SRGAP2C: variants seen among roughly 807,000 people sequenced by gnomAD.
SRGAP2C encodes SLIT-ROBO Rho GTPase-activating protein 2C.
In SRGAP2C, 15 loss-of-function variants were observed where a neutral mutation model predicts 25.1. That is an observed-to-expected ratio of 0.60 (90% CI 0.40 to 0.92). The LOEUF (loss-of-function observed/expected upper bound fraction) is 0.92. Among genes scored for constraint, SRGAP2C ranks in the 40% least tolerant of loss-of-function variants. SRGAP2C has a pLI of 0.00. For missense variants in SRGAP2C, 144 were observed against 264.4 expected (o/e 0.54, Z 3.16); for synonymous variants, 44 against 96.6 (o/e 0.46, Z 3.19).
chr1:121,208,492 A>G (rs1416737124), intron 2 of SRGAP2C, among the ~76,000 whole-genome samples: 2 of 152,168 alleles, frequency 1.3e-5, no homozygotes, highest in African/African-American at 4.8e-5. Context: ...CATGAGTGCG[A>G]GCCTCTGAAT....
intron 2 of SRGAP2C, among the ~76,000 whole-genome samples, chr1:121,212,472 C>T (rs1655289765): frequency 6.6e-6 from 1 of 151,840 alleles, no homozygotes; most frequent in Non-Finnish European, 1.5e-5. Context: ...GGAGCATTTG[C>T]AAGGAAGAGT....
chr1:121,292,112 C>A (rs1299967216), intron 3 of SRGAP2C, among the ~76,000 whole-genome samples: 2 of 151,588 alleles, frequency 1.3e-5, no homozygotes, highest in East Asian at 3.9e-4. Flanking sequence ...TATACCTTGT[C>A]TTTAGTTCTG....
At chr1:121,288,613 T>C (rs1193031731) in intron 3 of SRGAP2C, among the ~76,000 whole-genome samples, 986 of 43,220 alleles carry the variant, frequency 0.023, no homozygotes, top group Middle Eastern at 0.17. Context: ...TTGGTGCACT[T>C]ACAAACCTTG....
intron 4 of SRGAP2C, among the ~76,000 whole-genome samples, chr1:121,355,173 T>G (rs1659032599): frequency 6.8e-6 from 1 of 146,578 alleles, no homozygotes; most frequent in African/African-American, 2.5e-5. Context: ...ATCACCCCAA[T>G]GAGAGATTTA....
intron 4 of SRGAP2C, among the ~76,000 whole-genome samples, chr1:121,359,076 C>T (rs782503319): frequency 3.7e-3 from 48 of 12,990 alleles, no homozygotes; most frequent in Admixed American, 5.9e-3. Flanking sequence ...CTGATGGACT[C>T]TTTATTGCTC....
chr1:121,363,851 A>T (rs1553349017), intron 4 of SRGAP2C, among the ~76,000 whole-genome samples: 1 of 150,396 alleles, frequency 6.6e-6, no homozygotes, highest in East Asian at 2.0e-4. Context: ...TTAGAAAAAT[A>T]CATAACAACA....
intron 4 of SRGAP2C, among the ~76,000 whole-genome samples, chr1:121,356,697 G>T (rs1296598504): frequency 2.0e-5 from 3 of 151,848 alleles, no homozygotes; most frequent in African/African-American, 7.2e-5. Flanking sequence ...AAATGCTTTG[G>T]CATGAGAGAT....
intron 2 of SRGAP2C, among the ~76,000 whole-genome samples, chr1:121,221,991 CTCT>C (rs1220013863): frequency 6.6e-6 from 1 of 152,242 alleles, no homozygotes; most frequent in South Asian, 2.1e-4. Flanking sequence ...GTGGATGTCA[CTCT>C]TCTTCAGTTT....
chr1:121,206,444 G>A (rs1446964123), intron 2 of SRGAP2C, among the ~76,000 whole-genome samples: 1 of 152,188 alleles, frequency 6.6e-6, no homozygotes, highest in Non-Finnish European at 1.5e-5. Context: ...GCCAGAGTCT[G>A]GCTTCATACT....
chr1:121,332,813 T>C (rs1488858161), intron 4 of SRGAP2C, among the ~76,000 whole-genome samples: 1 of 56,310 alleles, frequency 1.8e-5, no homozygotes, highest in African/African-American at 7.5e-5. Flanking sequence ...GAAGGCATTT[T>C]GGGTGGTGTG....
At chr1:121,225,956 C>A (rs1416933706) in intron 2 of SRGAP2C, among the ~76,000 whole-genome samples, 1 of 149,156 alleles carries the variant, frequency 6.7e-6, no homozygotes, top group East Asian at 2.0e-4. Context: ...CCAACTGCCT[C>A]GGCCTCCCAA....
intron 2 of SRGAP2C, among the ~76,000 whole-genome samples, chr1:121,263,338 CAA>C (rs1220233255): frequency 2.8e-5 from 4 of 140,760 alleles, no homozygotes; most frequent in Non-Finnish European, 3.0e-5. Flanking sequence ...AACAAACAAA[CAA>C]AAAAAACTTG....
At chr1:121,265,949 G>C (rs1358031254) in intron 2 of SRGAP2C, among the ~76,000 whole-genome samples, 2 of 151,440 alleles carry the variant, frequency 1.3e-5, no homozygotes, top group Non-Finnish European at 2.9e-5. Context: ...TAGACTTCTT[G>C]TTGTTGGTTT....
At chr1:121,327,122 GC>G (rs1174087494) in intron 4 of SRGAP2C, among the ~76,000 whole-genome samples, 72 of 147,976 alleles carry the variant, frequency 4.9e-4, no homozygotes, top group Non-Finnish European at 8.8e-4. Context: ...GAGCTGGTTG[GC>G]AGATCATAAA....
At chr1:121,260,264 A>C (rs1276227041) in intron 2 of SRGAP2C, among the ~76,000 whole-genome samples, 2 of 151,510 alleles carry the variant, frequency 1.3e-5, no homozygotes, top group African/African-American at 4.8e-5. Context: ...TAAGAGTGTA[A>C]GCCACGTGGA....
intron 3 of SRGAP2C, among the ~76,000 whole-genome samples, chr1:121,297,693 C>G (rs1657625674): frequency 6.9e-6 from 1 of 144,380 alleles, no homozygotes; most frequent in Non-Finnish European, 1.5e-5. Context: ...GTTCTGGGAA[C>G]CAGATTTCCT....
intron 4 of SRGAP2C, among the ~76,000 whole-genome samples, chr1:121,328,860 TTGAG>T (rs1184014472): frequency 2.0e-4 from 30 of 148,286 alleles, no homozygotes; most frequent in African/African-American, 7.0e-4. Flanking sequence ...GTACTCTAGC[TTGAG>T]TAACAGAGCC....
intron 2 of SRGAP2C, among the ~76,000 whole-genome samples, chr1:121,221,666 G>A (rs1202607002): frequency 2.6e-5 from 2 of 78,022 alleles, no homozygotes; most frequent in African/African-American, 6.4e-5. Flanking sequence ...AGCTGAGATC[G>A]CACCATTGCA....
At chr1:121,259,638 A>C (rs868972886) in intron 2 of SRGAP2C, among the ~76,000 whole-genome samples, 7 of 151,614 alleles carry the variant, frequency 4.6e-5, no homozygotes, top group Admixed American at 6.6e-5. Flanking sequence ...ATCAGACACT[A>C]CTCTAGATGC....
Sources: gnomAD v4.1 joint callset for allele counts (sites outside exome capture counted in the v4.1 genomes callset) on GRCh38, gnomAD v4.1.1 for gene constraint, MANE v1.5 for transcripts, NCBI Gene and HGNC (gene_info 2026-07-23, HGNC 2026-07-21) for gene names.